P3H2: variants seen among roughly 807,000 people sequenced by gnomAD.
P3H2 encodes prolyl 3-hydroxylase 2.
In P3H2, 80 loss-of-function variants were observed where a neutral mutation model predicts 87.0. The observed-to-expected ratio is 0.92, with a 90% CI of 0.77 to 1.11. The LOEUF (loss-of-function observed/expected upper bound fraction) is 1.11, where lower values mean the gene tolerates loss of function less well. Among genes scored for constraint, P3H2 ranks in the 50% least tolerant of loss-of-function variants. The pLI is 0.00. For synonymous variants in P3H2, 367 were observed against 359.3 expected (o/e 1.02, Z -0.24); for missense variants, 1,001 against 923.9 (o/e 1.08, Z -1.08).
chr3:190,003,054 GT>G (rs1560357431), intron 1 of P3H2, among the ~76,000 whole-genome samples: 1 of 152,176 alleles, frequency 6.6e-6, no homozygotes, highest in Admixed American at 6.5e-5. Context: ...ACTATTTATC[GT>G]TTTCAAAATG....
At position 189,958,013 on chromosome 3, in the gene P3H2, A is replaced by T. The variant is rs755075746; in HGVS notation, c.2035-9T>A. The T allele has an allele frequency of 4.4e-6, 7 of 1,601,250 alleles. No homozygotes were observed. In the Admixed American group the frequency reaches 1.2e-4, roughly 27 times the overall value. ...TCAGCCTGTATTCGCTCCTGCAAAA[A>T]AGACAATTTACACATTTCTGTTACA... On this transcript the variant is annotated splice_polypyrimidine_tract_variant and intron_variant, in intron 14 of 14. Coordinates refer to ENST00000319332, the MANE Select transcript of P3H2 (RefSeq NM_018192.4).
intron 1 of P3H2, among the ~76,000 whole-genome samples, chr3:190,003,390 T>C (rs958355894): frequency 1.3e-5 from 2 of 151,638 alleles, no homozygotes; most frequent in Non-Finnish European, 2.9e-5. Context: ...CTTATCTAAA[T>C]AGAAACCATC....
At chr3:190,001,380 A>G (rs1724212958) in intron 1 of P3H2, among the ~76,000 whole-genome samples, 1 of 152,228 alleles carries the variant, frequency 6.6e-6, no homozygotes, top group Non-Finnish European at 1.5e-5. Context: ...CATCAAGCGT[A>G]AAATAAGTAA....
At chr3:190,021,128 A>G (rs1724918089) in intron 1 of P3H2, among the ~76,000 whole-genome samples, 1 of 134,988 alleles carries the variant, frequency 7.4e-6, no homozygotes, top group African/African-American at 2.6e-5. Context: ...CTGGAAACCA[A>G]TATTTACAAA....
intron 1 of P3H2, among the ~76,000 whole-genome samples, chr3:190,081,326 T>C (rs1325951542): frequency 1.3e-5 from 2 of 152,218 alleles, no homozygotes; most frequent in African/African-American, 4.8e-5. Flanking sequence ...GAATTATTTT[T>C]CTTACTTTGG....
chr3:189,986,667 A>G, intron 6 of P3H2, 121 bp downstream of exon 6: 1 of 747,114 alleles, frequency 1.3e-6, no homozygotes. Flanking sequence ...TTTTTACCTC[A>G]AGGAGGGCAT....
rs185978061 is a variant in P3H2, at chr3:190,034,485, C to T, written c.481-39043G>A. Among the ~76,000 whole-genome samples, 40 of 152,298 alleles carry T rather than the reference C, an allele frequency of 2.6e-4. No individual in the cohort carries two copies. In the East Asian group the frequency reaches 7.5e-3, roughly 29 times the overall value. ...ACATAGGAAAATAATAACATACTCT[C>T]CATGTGATTTTGGTCACCCATAAAA... On this transcript the variant is annotated intron_variant, in intron 1 of 14. Coordinates refer to ENST00000319332, the MANE Select transcript of P3H2 (RefSeq NM_018192.4).
chr3:189,973,844 T>G, intron 10 of P3H2, 65 bp downstream of exon 10: 1 of 1,226,676 alleles, frequency 8.2e-7, no homozygotes, highest in Non-Finnish European at 1.2e-6. Context: ...TTCTTATATC[T>G]GCCATTTACA....
chr3:190,089,523 C>T (rs1164011219), intron 1 of P3H2, among the ~76,000 whole-genome samples: 2 of 152,178 alleles, frequency 1.3e-5, no homozygotes, highest in Non-Finnish European at 2.9e-5. Context: ...TCCTTGTGAC[C>T]TTCTGTTCCC....
At chr3:190,006,851 G>T (rs548096232) in intron 1 of P3H2, among the ~76,000 whole-genome samples, 1 of 152,244 alleles carries the variant, frequency 6.6e-6, no homozygotes, top group East Asian at 1.9e-4. Context: ...GGAAGGTTTC[G>T]ATTCCAGAGT....
intron 1 of P3H2, among the ~76,000 whole-genome samples, chr3:190,078,788 A>T (rs1463333556): frequency 1.3e-5 from 2 of 152,212 alleles, no homozygotes; most frequent in Non-Finnish European, 2.9e-5. Flanking sequence ...TAGGATCATC[A>T]TTCTCTTCCT....
At chr3:190,012,207 GGTGTGTGTGTGTGTGTGTGT>G (rs3062120) in intron 1 of P3H2, among the ~76,000 whole-genome samples, 12 of 145,702 alleles carry the variant, frequency 8.2e-5, no homozygotes, top group African/African-American at 3.1e-4. Context: ...TGTAGGTAAA[GGTGTGTGTGTGTGTGTGTGT>G]GTGTGTGTGT....
chr3:190,111,382 C>G (rs765575573), intron 1 of P3H2, among the ~76,000 whole-genome samples: 3 of 152,132 alleles, frequency 2.0e-5, no homozygotes, highest in Non-Finnish European at 4.4e-5. Flanking sequence ...TGGTCCTTCT[C>G]TTACAGTGCT....
rs746901393 is a variant in P3H2, at chr3:190,120,705, C to T, written c.27G>A (p.Pro9=). The T allele has an allele frequency of 5.3e-6, 8 of 1,519,944 alleles. No individual in the cohort carries two copies. Among genetic ancestry groups the T allele is most frequent in the South Asian group, 1.2e-5 (1 of 81,978 alleles). 94.2% of individuals were successfully genotyped at this position (1,519,944 alleles called of 1,614,324 possible). Reference sequence around the variant, plus strand: ...GTAGCAGCGGCAGCAGCAGCAGCAGCGGCGGCGCCCAGATGCGCTCCCGCA... The same window carrying T: ...GTAGCAGCGGCAGCAGCAGCAGCAGTGGCGGCGCCCAGATGCGCTCCCGCA... MRERIWAP[P]LLLLLPLLLP... Residue 9 remains proline, a synonymous_variant, in exon 1 of 15, where the codon CCG becomes CCA. Coordinates refer to ENST00000319332, the MANE Select transcript of P3H2 (RefSeq NM_018192.4).
At chr3:190,114,235 G>C (rs954600974) in intron 1 of P3H2, among the ~76,000 whole-genome samples, 6 of 147,568 alleles carry the variant, frequency 4.1e-5, no homozygotes, top group African/African-American at 1.5e-4. Context: ...CCAGGCTGGA[G>C]TGCGGTGGCG....
At position 189,970,882 on chromosome 3, in the gene P3H2, T is replaced by C. The variant is rs1375132303; in HGVS notation, c.1827A>G (p.Leu609=). ...CTCCTTCAAAGTCATCATTCATATATAGGAGAGCACTATAAGAATGAAGAG... is the reference window on the plus strand; with the variant it reads ...CTCCTTCAAAGTCATCATTCATATACAGGAGAGCACTATAAGAATGAAGAG... The part of the protein sequence containing the change: ...AYTFRDYSAL[L]YMNDDFEGGE... The change falls in exon 13 of 15, where the codon CTA becomes CTG. Residue 609 remains leucine, a synonymous_variant. Transcript: ENST00000319332. 6 of 1,553,820 alleles carry C rather than the reference T, an allele frequency of 3.9e-6. No individual in the cohort carries two copies. In the East Asian group the frequency reaches 9.0e-5, roughly 23 times the overall value.
intron 9 of P3H2, 168 bp from the exon 10 acceptor site, chr3:189,974,172 T>C (rs1345906783): frequency 4.7e-6 from 3 of 634,754 alleles, no homozygotes; most frequent in Non-Finnish European, 8.4e-6. Context: ...AGAGATATCT[T>C]TATTTAATCT....
chr3:190,084,023 A>G (rs573814050), intron 1 of P3H2, among the ~76,000 whole-genome samples: 1 of 152,328 alleles, frequency 6.6e-6, no homozygotes, highest in South Asian at 2.1e-4. Flanking sequence ...ATCAAAAGAT[A>G]TTTCTTATAG....
intron 1 of P3H2, among the ~76,000 whole-genome samples, chr3:190,096,405 C>A (rs1560399669): frequency 6.6e-6 from 1 of 152,154 alleles, no homozygotes; most frequent in African/African-American, 2.4e-5. Flanking sequence ...TTTCTCTCTC[C>A]TGCTTTGCCA....
Sources: gnomAD v4.1 joint callset for allele counts (sites outside exome capture counted in the v4.1 genomes callset) on GRCh38, gnomAD v4.1.1 for gene constraint, MANE v1.5 for transcripts, NCBI Gene and HGNC (gene_info 2026-07-23, HGNC 2026-07-21) for gene names.